The following KIF25 variants were observed in gnomAD, a reference collection of about 807,000 sequenced individuals.
KIF25 encodes the protein kinesin family member 25.
Under a neutral mutation model 32.9 loss-of-function variants are expected in KIF25, and 19 were observed. That is an observed-to-expected ratio of 0.58 (90% CI 0.40 to 0.85). KIF25 has a LOEUF of 0.85. Ranked by LOEUF, KIF25 falls within the 40% of genes least tolerant of loss-of-function variation. The pLI is 0.00. For missense variants in KIF25, 485 were observed against 507.0 expected, an observed-to-expected ratio of 0.96 and a Z score of 0.42; for synonymous variants, 225 against 213.7, an observed-to-expected ratio of 1.05 and a Z score of -0.46.
intron 4 of KIF25, among the ~76,000 whole-genome samples, chr6:168,007,198 G>A (rs1798591269): frequency 6.6e-6 from 1 of 152,086 alleles, no homozygotes; most frequent in African/African-American, 2.4e-5. Context: ...ATCACCTGAG[G>A]CCAGGAGTTC....
chr6:168,004,845 A>T (rs982010332), intron 4 of KIF25, among the ~76,000 whole-genome samples: 1 of 152,208 alleles, frequency 6.6e-6, no homozygotes, highest in South Asian at 2.1e-4. Flanking sequence ...GAGGTGGTGC[A>T]GCAGGTGGGA....
rs143322848 is a variant in KIF25, at chr6:168,012,066, A to AT, written c.-162-5902dup. Among the ~76,000 whole-genome samples the AT allele has an allele frequency of 0.011, 1,598 of 151,678 alleles. 130 individuals are homozygous for AT. In the East Asian group the frequency reaches 0.21, roughly 20 times the overall value. On this transcript the variant is annotated intron_variant, in intron 4 of 12. Transcript: ENST00000643607. Reference sequence around the variant, plus strand: ...TTTTATAATTCTGTCTCTTTATTGTATTTTTCATTCAAATTATGAATTGTT... The same window carrying AT: ...TTTTATAATTCTGTCTCTTTATTGTATTTTTTCATTCAAATTATGAATTGTT...
At chr6:168,040,035 T>C in intron 9 of KIF25, 30 bp from the exon 10 acceptor site, 1 of 1,592,066 alleles carries the variant, frequency 6.3e-7, no homozygotes, top group East Asian at 2.3e-5. Context: ...CCGCCCTCAC[T>C]GTGTTCCCCA....
intron 4 of KIF25, among the ~76,000 whole-genome samples, chr6:168,017,013 C>A (rs9346518): frequency 0.35 from 53,809 of 152,204 alleles, 10,049 homozygotes; most frequent in South Asian, 0.43. Context: ...ATTTGATTAT[C>A]TCAGCATTTC....
Position 167,999,140 on chromosome 6 carries a change from C to T in KIF25, c.-550C>T, listed in dbSNP as rs2114859618. 6.6e-6 allele frequency: 1 copy of T among 152,444 alleles called. No homozygotes were observed. Among genetic ancestry groups the T allele is most frequent in the East Asian group, 1.9e-4 (1 of 5,186 alleles). The allele number at this position is 152,444 out of a possible 1,614,324, so 9.4% of individuals were successfully genotyped here. The stretch of plus-strand genomic sequence containing the variant: ...TGCTGCAGATCTCACGGCCGCGTCT[C>T]AGGAGCTGGTGCCCGGTGCACGTTC... On this transcript the variant is annotated 5_prime_UTR_variant, in exon 2 of 13. An upstream open reading frame in the 5' UTR gains an earlier in-frame stop. Coordinates refer to ENST00000643607, the MANE Select transcript of KIF25 (RefSeq NM_030615.4).
intron 4 of KIF25, among the ~76,000 whole-genome samples, chr6:168,008,254 T>C (rs1425918571): frequency 1.3e-5 from 2 of 152,218 alleles, no homozygotes; most frequent in African/African-American, 4.8e-5. Context: ...TTCTGTATAG[T>C]GTAAGAGGTG....
rs546699355 is a variant in KIF25, at chr6:168,021,583, A to G, written c.-95+3543A>G. Among the ~76,000 whole-genome samples, 10 of 152,372 alleles carry G rather than the reference A, an allele frequency of 6.6e-5. No individual in the cohort carries two copies. In the South Asian group the frequency reaches 2.1e-3, roughly 32 times the overall value. On this transcript the variant is annotated intron_variant, in intron 5 of 12. Coordinates refer to ENST00000643607, the MANE Select transcript of KIF25 (RefSeq NM_030615.4). ...TAGCCATTTTTAAGTATACAGTTCA[A>G]TGGGACAAAGTATGATCTGGTGCAA... is the stretch of plus-strand genomic sequence containing the variant.
chr6:168,038,406 A>T, intron 8 of KIF25, 147 bp from the exon 9 acceptor site: 1 of 706,064 alleles, frequency 1.4e-6, no homozygotes, highest in Non-Finnish European at 2.4e-6. Flanking sequence ...TCCCTGAGTG[A>T]TCTTCGGGTA....
Position 168,040,131 on chromosome 6 carries a change from C to T in KIF25, c.561C>T (p.His187=), listed in dbSNP as rs1351729719. ...VHGGLQLRAK[H]PTLVHADSSR... is the part of the protein sequence containing the mutation. ...GAGGTCTGCAGCTCAGGGCGAAGCA[C>T]CCCACCCTGGTGCACGCGGATTCCT... The change falls in exon 10 of 13, where the codon CAC becomes CAT. Residue 187 remains histidine (H), a synonymous_variant. Coordinates refer to ENST00000643607, the MANE Select transcript of KIF25 (RefSeq NM_030615.4). 1.9e-6 allele frequency: 3 copies of T among 1,613,982 alleles called. No individual in the cohort carries two copies. The highest frequency in any genetic ancestry group is 2.2e-5 in the East Asian group (1 of 44,904).
Position 168,012,693 on chromosome 6 carries a change from G to A in KIF25, c.-162-5280G>A, listed in dbSNP as rs76521930. 3.1e-3 allele frequency among the ~76,000 whole-genome samples: 469 copies of A among 152,244 alleles called. 3 individuals carry two copies. Among genetic ancestry groups the A allele is most frequent in the African/African-American group, 0.011 (448 of 41,556 alleles). On this transcript the variant is annotated intron_variant, in intron 4 of 12. Transcript: ENST00000643607. ...GGTTGTTTCTCTGATCCAGGACACCGACACAAGGCTGCTCAGCTCGTCTGG... is the reference window on the plus strand; with the variant it reads ...GGTTGTTTCTCTGATCCAGGACACCAACACAAGGCTGCTCAGCTCGTCTGG...
At chr6:168,020,279 A>C (rs1440442199) in intron 5 of KIF25, among the ~76,000 whole-genome samples, 1 of 152,164 alleles carries the variant, frequency 6.6e-6, no homozygotes, top group African/African-American at 2.4e-5. Flanking sequence ...CAGGACCAGC[A>C]CCTCTAAAGT....
At position 168,044,810 on chromosome 6, in the gene KIF25, G is replaced by T. The variant is rs549782441; in HGVS notation, c.986-17G>T. 8 of 1,565,482 alleles carry T rather than the reference G, an allele frequency of 5.1e-6. No individual in the cohort carries two copies. In the East Asian group the frequency reaches 1.6e-4, roughly 31 times the overall value. On this transcript the variant is annotated splice_polypyrimidine_tract_variant and intron_variant, in intron 12 of 12. Coordinates refer to ENST00000643607, the MANE Select transcript of KIF25 (RefSeq NM_030615.4). ...TGCTCTTCTTTCCAGCTTGCATGTT[G>T]TTTTTCTATTTTAAAGGAGGCGATG...
At chr6:168,013,044 T>C (rs1488892422) in intron 4 of KIF25, among the ~76,000 whole-genome samples, 1 of 151,986 alleles carries the variant, frequency 6.6e-6, no homozygotes, top group Admixed American at 6.6e-5. Flanking sequence ...ATATGCTTAC[T>C]GATGGTGGCT....
At chr6:168,035,234 C>T (rs1419530004) in intron 8 of KIF25, among the ~76,000 whole-genome samples, 1 of 151,520 alleles carries the variant, frequency 6.6e-6, no homozygotes, top group Non-Finnish European at 1.5e-5. Flanking sequence ...ACGTCCCGGA[C>T]GTCGGCTTCG....
intron 5 of KIF25, among the ~76,000 whole-genome samples, chr6:168,021,423 C>T (rs1314100812): frequency 6.6e-6 from 1 of 152,214 alleles, no homozygotes; most frequent in African/African-American, 2.4e-5. Flanking sequence ...TGAAGTTTTC[C>T]CCTTTCTCTC....
chr6:168,029,755 C>A, intron 6 of KIF25, 78 bp downstream of exon 6: 1 of 1,501,976 alleles, frequency 6.7e-7, no homozygotes, highest in Non-Finnish European at 9.0e-7. Context: ...CTTTTCTATT[C>A]TTTCTACTTT....
intron 4 of KIF25, among the ~76,000 whole-genome samples, chr6:168,015,734 A>G (rs1411678974): frequency 6.6e-6 from 1 of 152,212 alleles, no homozygotes; most frequent in Non-Finnish European, 1.5e-5. Flanking sequence ...ACAGGCAGGA[A>G]CGCATTGAAG....
At chr6:168,041,721 T>C (rs1055014926) in intron 10 of KIF25, among the ~76,000 whole-genome samples, 2 of 152,234 alleles carry the variant, frequency 1.3e-5, no homozygotes, top group African/African-American at 4.8e-5. Context: ...AAGCATTATT[T>C]GATTTCCTCT....
intron 8 of KIF25, among the ~76,000 whole-genome samples, chr6:168,037,328 G>A (rs75841945): frequency 0.012 from 1,814 of 152,260 alleles, 41 homozygotes; most frequent in African/African-American, 0.041. Context: ...GCCTGGCAGC[G>A]CCTGGGTGGG....
Sources: gnomAD v4.1 joint callset for allele counts (sites outside exome capture counted in the v4.1 genomes callset) on GRCh38, gnomAD v4.1.1 for gene constraint, MANE v1.5 for transcripts, NCBI Gene and HGNC (gene_info 2026-07-23, HGNC 2026-07-21) for gene names.